The following TEP1 variants were observed in gnomAD, a reference collection of about 807,000 sequenced individuals.
TEP1 encodes telomerase protein component 1.
A neutral mutation model predicts 306.3 loss-of-function variants in TEP1; 241 were observed. The ratio of observed to expected loss-of-function variants is 0.79; its 90% CI spans 0.71 to 0.88. The LOEUF (loss-of-function observed/expected upper bound fraction) is 0.88. TEP1 is among the 40% of genes least tolerant of loss of function. The probability of loss-of-function intolerance (pLI) is 0.00; values close to 1 mark genes in which losing one functional copy is unlikely to be tolerated. For synonymous variants in TEP1, 1,289 were observed against 1,305.5 expected (o/e 0.99, Z 0.27); for missense variants, 3,051 against 3,276.1 (o/e 0.93, Z 1.68).
At chr14:20,412,105 A>G (rs1335647624) in intron 1 of TEP1, among the ~76,000 whole-genome samples, 1 of 152,192 alleles carries the variant, frequency 6.6e-6, no homozygotes, top group East Asian at 1.9e-4. Flanking sequence ...GAAGACCTGA[A>G]TGACTAACAA....
intron 9 of TEP1, among the ~76,000 whole-genome samples, chr14:20,400,137 C>CAA (rs58121179): frequency 3.2e-3 from 254 of 80,110 alleles, no homozygotes; most frequent in Middle Eastern, 7.7e-3. Flanking sequence ...AACTCCGTCT[C>CAA]AAAAAAAAAA....
Position 20,391,762 on chromosome 14 carries a change from C to T in TEP1, c.1934G>A (p.Trp645Ter). The T allele has an allele frequency of 1.2e-6, 2 of 1,614,042 alleles. No homozygotes were observed. The highest frequency in any genetic ancestry group is 1.7e-6 in the Non-Finnish European group (2 of 1,179,946). ...EKLRVHKARQ[W>*]KYDGEMLNRY... ...GTTCAGCATCTCACCATCATATTTC[C>T]ACTGTCTACATGCAAGAAAGACACA... The change falls in exon 13 of 55, where the codon TGG becomes TAG. Residue 645 changes from tryptophan (W) to a stop codon, truncating the protein, a stop_gained. Coordinates refer to ENST00000262715, the MANE Select transcript of TEP1 (RefSeq NM_007110.5). LOFTEE classifies it high-confidence loss of function.
At position 20,385,122 on chromosome 14, in the gene TEP1, C is replaced by G. The variant is rs776447187; in HGVS notation, c.2983-13G>C. ...GGTACTGCTGGGCCTGCGGGGAGGA[C>G]AGAGACAGTGAGTTTAGTCCTAGGC... On this transcript the variant is annotated splice_polypyrimidine_tract_variant and intron_variant, in intron 20 of 54. Coordinates refer to ENST00000262715, the MANE Select transcript of TEP1 (RefSeq NM_007110.5). 1.1e-5 allele frequency: 17 copies of G among 1,613,550 alleles called. No homozygotes were observed. The highest frequency in any genetic ancestry group is 1.3e-5 in the African/African-American group (1 of 74,922).
Position 20,381,968 on chromosome 14 carries a change from T to G in TEP1, c.4369A>C (p.Ser1457Arg). Residue 1457 changes from serine (S) to arginine (R), a missense_variant, in exon 30 of 55, where the codon AGT (serine) becomes CGT (arginine). By Grantham distance (110) the Ser-to-Arg change is moderately radical (BLOSUM62 -1). Around this residue, in one of 3 missense-constraint regions of TEP1, gnomAD observed 1,540 missense variants for 1,705.9 expected, o/e 0.90. Transcript: ENST00000262715. The surrounding 1 kb of genome is among the most constrained non-coding windows in gnomAD (Gnocchi z 4.0). Reference sequence around the variant, plus strand: ...GGGCCCATGGGGTAGGGGTCTCCACTGTTACCAGCAGCCACTGCTTCTTCC... The same window carrying G: ...GGGCCCATGGGGTAGGGGTCTCCACGGTTACCAGCAGCCACTGCTTCTTCC... The part of the protein sequence containing the change: ...SWEEAVAAGN[S>R]GDPYPMGPFA... 1 of 1,614,130 alleles carries G rather than the reference T, an allele frequency of 6.2e-7. No homozygotes were observed. The highest frequency in any genetic ancestry group is 8.5e-7 in the Non-Finnish European group (1 of 1,180,014).
chr14:20,375,070 A>G (rs1885093146), intron 43 of TEP1, among the ~76,000 whole-genome samples: 1 of 147,648 alleles, frequency 6.8e-6, no homozygotes, highest in South Asian at 2.2e-4. Flanking sequence ...CAGCCTGGGC[A>G]ACAAGAACGA....
At position 20,403,892 on chromosome 14, in the gene TEP1, AGAGAGAG is replaced by A. The variant is rs1451339651; in HGVS notation, c.1033-15_1033-9del. 6.2e-7 allele frequency: 1 copy of A among 1,614,068 alleles called. No homozygotes were observed. ...ATCTCCCTCAGCCAGGCTCTGTCAA[AGAGAGAG>A]GAGAGACCACTAGAAGCAAGACCCA... On this transcript the variant is annotated splice_polypyrimidine_tract_variant and intron_variant, in intron 5 of 54. Transcript: ENST00000262715.
In TEP1 at chr14:20,376,179, C is replaced by T. The variant is rs1355382548; in HGVS notation, c.6174G>A (p.Arg2058=). Residue 2058 remains arginine, a synonymous_variant, in exon 42 of 55, where the codon CGG becomes CGA. Transcript: ENST00000262715. ...AGCAGCTCACAGGGCCCTCATGTCC[C>T]CGCAGCTCAGTGCCACAGGGAAAGT... ...AEDFPCGTEL[R]GHEGPVSCCS... 1.4e-5 allele frequency: 22 copies of T among 1,614,198 alleles called. No individual in the cohort carries two copies. In the East Asian group the frequency reaches 4.9e-4, roughly 36 times the overall value.
intron 12 of TEP1, 28 bp from the exon 13 acceptor site, chr14:20,391,795 G>A: frequency 6.2e-7 from 1 of 1,610,052 alleles, no homozygotes; most frequent in Non-Finnish European, 8.5e-7. Flanking sequence ...ACAGACACAG[G>A]GGCTCAGGGA....
rs372031810 is a variant in TEP1, at chr14:20,369,370, G to A, written c.7630C>T (p.His2544Tyr). The change falls in exon 53 of 55, where the codon CAT (histidine) becomes TAT (tyrosine). Residue 2544 changes from histidine to tyrosine, a missense_variant. Physicochemically the swap from His to Tyr is moderately conservative, Grantham distance 83. Around this residue, in one of 3 missense-constraint regions of TEP1, gnomAD observed 1,540 missense variants for 1,705.9 expected, o/e 0.90. Coordinates refer to ENST00000262715, the MANE Select transcript of TEP1 (RefSeq NM_007110.5). ...TTTCTACGCTGCCGTGTCTTTAGAT[G>A]TGGTGTTGGCTCACTATCCATGCTG... ...DASMDSEPTP[H>Y]LKTRQRRKIH... 5.0e-6 allele frequency: 8 copies of A among 1,613,886 alleles called. No homozygotes were observed. In the African/African-American group the frequency reaches 5.3e-5, roughly 11 times the overall value.
intron 42 of TEP1, 34 bp from the exon 43 acceptor site, chr14:20,375,902 A>G: frequency 6.4e-7 from 1 of 1,569,414 alleles, no homozygotes; most frequent in Non-Finnish European, 8.8e-7. Context: ...AGCAATCAGG[A>G]CCAAAGGAAG....
rs766172337 is a variant in TEP1, at chr14:20,384,719, C to G, written c.3108-6G>C. ...TCCAGGCATCTGGCACAGAGCTGAC[C>G]ACCAAAGACCCCAAAAGTTGGAATA... On this transcript the variant is annotated splice_polypyrimidine_tract_variant and splice_region_variant and intron_variant, in intron 21 of 54. Transcript: ENST00000262715. 5.0e-6 allele frequency: 8 copies of G among 1,608,084 alleles called. No homozygotes were observed. The highest frequency in any genetic ancestry group is 1.1e-5 in the South Asian group (1 of 91,046).
chr14:20,407,636 C>T (rs995104344), intron 2 of TEP1, among the ~76,000 whole-genome samples: 2 of 152,210 alleles, frequency 1.3e-5, no homozygotes, highest in Admixed American at 6.5e-5. Flanking sequence ...CCACCGCACC[C>T]AGCCAGGACA....
chr14:20,396,044 A>G, intron 10 of TEP1, 95 bp from the exon 11 acceptor site: 5 of 823,932 alleles, frequency 6.1e-6, no homozygotes, highest in Non-Finnish European at 9.7e-6. Flanking sequence ...GAAGGTACAG[A>G]AGGACAAAAT....
At chr14:20,395,166 C>T (rs1042130590) in intron 12 of TEP1, among the ~76,000 whole-genome samples, 2 of 152,130 alleles carry the variant, frequency 1.3e-5, no homozygotes, top group African/African-American at 4.8e-5. Flanking sequence ...CCAGCATACA[C>T]CACCATACAT....
At chr14:20,407,031 T>C (rs1879229561) in intron 2 of TEP1, among the ~76,000 whole-genome samples, 1 of 152,242 alleles carries the variant, frequency 6.6e-6, no homozygotes, top group African/African-American at 2.4e-5. Context: ...AGTTTGTAAT[T>C]GGCAGAGACA....
rs1472718977 is a variant in TEP1, at chr14:20,378,968, G to A, written c.5252+13C>T. ...AGGCCCTCATTCCAAGACAAATGGG[G>A]AGGACCCCTTACCGACAACCATGCT... On this transcript the variant is annotated intron_variant, in intron 36 of 54. Coordinates refer to ENST00000262715, the MANE Select transcript of TEP1 (RefSeq NM_007110.5). 1 of 1,614,056 alleles carries A rather than the reference G, an allele frequency of 6.2e-7. No individual in the cohort carries two copies. Among genetic ancestry groups the A allele is most frequent in the Non-Finnish European group, 8.5e-7 (1 of 1,180,036 alleles).
chr14:20,397,371 T>G (rs750010712), intron 9 of TEP1, among the ~76,000 whole-genome samples: 1 of 152,138 alleles, frequency 6.6e-6, no homozygotes, highest in Non-Finnish European at 1.5e-5. Context: ...TAGCCAGGCG[T>G]GGTGTCTGGT....
chr14:20,383,738 C>A lies in TEP1; in HGVS notation c.3710+5G>T. On this transcript the variant is annotated splice_donor_5th_base_variant and intron_variant, in intron 25 of 54. Coordinates refer to ENST00000262715, the MANE Select transcript of TEP1 (RefSeq NM_007110.5). ...ACAAGGCTGGGCTCATTGGGGGATA[C>A]CCACCGGTAGGTGCTGGGGAGGGCA... is the stretch of plus-strand genomic sequence containing the variant. 6.2e-7 allele frequency: 1 copy of A among 1,610,432 alleles called. No individual in the cohort carries two copies. The highest frequency in any genetic ancestry group is 8.5e-7 in the Non-Finnish European group (1 of 1,178,552).
chr14:20,384,297 T>C, intron 23 of TEP1, 65 bp from the exon 24 acceptor site: 1 of 1,608,324 alleles, frequency 6.2e-7, no homozygotes, highest in South Asian at 1.1e-5. Context: ...AGGCTAAAAC[T>C]CACAGAGCCC....
Sources: gnomAD v4.1 joint callset for allele counts (sites outside exome capture counted in the v4.1 genomes callset) on GRCh38, gnomAD v4.1.1 for gene constraint, gnomAD v4.1.1 regional missense constraint, Gnocchi (gnomAD v3.1) non-coding constraint, MANE v1.5 for transcripts, NCBI Gene and HGNC (gene_info 2026-07-23, HGNC 2026-07-21) for gene names.